COL4A6: variants seen among roughly 807,000 people sequenced by gnomAD.
COL4A6 encodes the protein collagen alpha-6(IV) chain.
A neutral mutation model predicts 126.7 loss-of-function variants in COL4A6; 59 were observed. The observed-to-expected ratio is 0.47, with a 90% CI of 0.38 to 0.58. The LOEUF (loss-of-function observed/expected upper bound fraction) is 0.58, where lower values mean the gene tolerates loss of function less well. COL4A6 is among the 20% of genes least tolerant of loss of function. The pLI is 0.00. For missense variants in COL4A6, 1,285 were observed against 1,337.3 expected (o/e 0.96, Z 0.61); for synonymous variants, 547 against 496.6 (o/e 1.10, Z -1.35).
At chrX:108,331,251 T>TTG (rs1447219703) in intron 2 of COL4A6, among the ~76,000 whole-genome samples, 1 of 111,728 alleles carries the variant, frequency 9.0e-6, no homozygotes, top group Non-Finnish European at 1.9e-5. Flanking sequence ...AAAATGATAT[T>TTG]TGTGTGTGTG....
At chrX:108,349,108 G>A (rs143486394) in intron 2 of COL4A6, among the ~76,000 whole-genome samples, 343 of 112,022 alleles carry the variant, frequency 3.1e-3, no homozygotes, top group African/African-American at 0.011. Context: ...CCCACAGAGA[G>A]CTGATTGTTA....
intron 2 of COL4A6, among the ~76,000 whole-genome samples, chrX:108,391,536 C>G: frequency 9.0e-6 from 1 of 111,683 alleles, no homozygotes; most frequent in Non-Finnish European, 1.9e-5. Flanking sequence ...GCCCCTCCCC[C>G]CACCAAGCTC....
chrX:108,387,706 T>A (rs2040734863), intron 2 of COL4A6, among the ~76,000 whole-genome samples: 1 of 111,923 alleles, frequency 8.9e-6, no homozygotes, highest in Admixed American at 9.5e-5. Flanking sequence ...ATATCTTTTA[T>A]TTCTTTCTCT....
chrX:108,327,242 T>C (rs1469069189), intron 2 of COL4A6, among the ~76,000 whole-genome samples: 4 of 110,217 alleles, frequency 3.6e-5, no homozygotes, highest in African/African-American at 1.3e-4. Flanking sequence ...GGTTGCACGC[T>C]CCTTTTGAGA....
At chrX:108,394,279 G>GTAGGGGTC (rs1416818128) in intron 2 of COL4A6, among the ~76,000 whole-genome samples, 4 of 109,557 alleles carry the variant, frequency 3.7e-5, no homozygotes, top group Non-Finnish European at 7.6e-5. Flanking sequence ...CTGTCGGGGT[G>GTAGGGGTC]TAGGGGTCTA....
chrX:108,372,351 C>T (rs2040348171), intron 2 of COL4A6, among the ~76,000 whole-genome samples: 1 of 111,652 alleles, frequency 9.0e-6, no homozygotes, highest in African/African-American at 3.3e-5. Context: ...CTAGCAGAGG[C>T]CCCCAATAAG....
intron 2 of COL4A6, among the ~76,000 whole-genome samples, chrX:108,379,816 A>G (rs2040525374): frequency 9.1e-6 from 1 of 110,115 alleles, no homozygotes; most frequent in Non-Finnish European, 1.9e-5. Flanking sequence ...ATAAGTTAAT[A>G]TTTTTAAAAA....
At chrX:108,286,306 G>A (rs1266817266) in intron 3 of COL4A6, among the ~76,000 whole-genome samples, 1 of 112,109 alleles carries the variant, frequency 8.9e-6, no homozygotes, top group Non-Finnish European at 1.9e-5. Context: ...TCTTATTCAA[G>A]TTATTTTTAA....
chrX:108,188,233 C>T (rs1208783127), intron 21 of COL4A6, among the ~76,000 whole-genome samples: 1 of 111,981 alleles, frequency 8.9e-6, no homozygotes, highest in Non-Finnish European at 1.9e-5. Context: ...GTAAACCTCA[C>T]CTTAATTCCT....
intron 2 of COL4A6, among the ~76,000 whole-genome samples, chrX:108,319,197 T>G: frequency 9.0e-6 from 1 of 111,704 alleles, no homozygotes; most frequent in Non-Finnish European, 1.9e-5. Flanking sequence ...GGCAACATGG[T>G]GATACCCCAT....
At chrX:108,337,636 C>A (rs747108023) in intron 2 of COL4A6, among the ~76,000 whole-genome samples, 1 of 112,461 alleles carries the variant, frequency 8.9e-6, no homozygotes, top group Non-Finnish European at 1.9e-5. Context: ...GGCAAGTTTT[C>A]TCACCCTTCT....
rs56782024 is a variant in COL4A6, at chrX:108,173,461, G to GGTGT, written c.3139-933_3139-930dup. On this transcript the variant is annotated intron_variant, in intron 31 of 44. Coordinates refer to ENST00000334504, the MANE Select transcript of COL4A6 (RefSeq NM_033641.4). ...GAACTATTTATTTTCAATTGCTTCAGGTGTGTGTGTGTGTGTGTGTGTGTG... is the reference window on the plus strand; with the variant it reads ...GAACTATTTATTTTCAATTGCTTCAGGTGTGTGTGTGTGTGTGTGTGTGTGTGTG... Among the ~76,000 whole-genome samples the GGTGT allele has an allele frequency of 4.4e-3, 447 of 101,093 alleles. 3 individuals carry two copies. Among genetic ancestry groups the GGTGT allele is most frequent in the African/African-American group, 9.2e-3 (254 of 27,500 alleles). 87.8% of individuals were successfully genotyped at this position (101,093 alleles called of 115,157 possible).
At chrX:108,252,316 T>C (rs1270670104) in intron 3 of COL4A6, among the ~76,000 whole-genome samples, 1 of 112,121 alleles carries the variant, frequency 8.9e-6, no homozygotes, top group Non-Finnish European at 1.9e-5. Flanking sequence ...CAGAATTTCA[T>C]TCTTTTTTAT....
intron 2 of COL4A6, among the ~76,000 whole-genome samples, chrX:108,368,646 A>G (rs2040256811): frequency 8.9e-6 from 1 of 112,280 alleles, no homozygotes; most frequent in Non-Finnish European, 1.9e-5. Flanking sequence ...TGAATATTTT[A>G]TAGTAACACT....
chrX:108,191,272 A>T (rs1042580141), intron 19 of COL4A6, 121 bp downstream of exon 19: 4 of 880,883 alleles, frequency 4.5e-6, no homozygotes, highest in Non-Finnish European at 6.3e-6. Flanking sequence ...GCCCCTCTGC[A>T]ATTATCATGT....
At chrX:108,315,307 C>G (rs1004455329) in intron 2 of COL4A6, among the ~76,000 whole-genome samples, 2 of 111,174 alleles carry the variant, frequency 1.8e-5, no homozygotes, top group Admixed American at 9.6e-5. Context: ...GTGGTGCGAC[C>G]TGGGCTCACT....
At chrX:108,190,578 C>T (rs991357123) in intron 19 of COL4A6, 82 bp from the exon 20 acceptor site, 2 of 555,438 alleles carry the variant, frequency 3.6e-6, no homozygotes, top group Admixed American at 5.8e-5. Flanking sequence ...GCTCAATCAC[C>T]AAGGCCCAAG....
rs758587693 is a variant in COL4A6 at position 108,266,731 on chromosome X, T to C, written c.144+44017A>G. 1.2e-4 allele frequency among the ~76,000 whole-genome samples: 13 copies of C among 112,024 alleles called. No individual in the cohort carries two copies. In the South Asian group the frequency reaches 4.8e-3, roughly 42 times the overall value. On this transcript the variant is annotated intron_variant, in intron 3 of 44. Transcript: ENST00000334504. ...CAATAATTTGCTGAAGCATTTAGCATATTGCCTGGCAAATGGTATGGACTT... is the reference window on the plus strand; with the variant it reads ...CAATAATTTGCTGAAGCATTTAGCACATTGCCTGGCAAATGGTATGGACTT...
rs5012328 is a variant in COL4A6, at chrX:108,354,770, C to T, written c.64-43942G>A. Among the ~76,000 whole-genome samples, 329 of 110,835 alleles carry T rather than the reference C, an allele frequency of 3.0e-3. 2 individuals are homozygous for T. The highest frequency in any genetic ancestry group is 0.01 in the African/African-American group (314 of 30,404). On this transcript the variant is annotated intron_variant, in intron 2 of 44. Coordinates refer to ENST00000334504, the MANE Select transcript of COL4A6 (RefSeq NM_033641.4). Reference sequence around the variant, plus strand: ...ATTTAGGAAGAAAAACATGTCATCTCTATGGCAACCTGAAAGTCTGACAGG... The same window carrying T: ...ATTTAGGAAGAAAAACATGTCATCTTTATGGCAACCTGAAAGTCTGACAGG...
Sources: allele counts gnomAD v4.1 joint callset (sites outside exome capture counted in the v4.1 genomes callset), GRCh38; gene constraint gnomAD v4.1.1; transcripts MANE v1.5; gene names NCBI Gene and HGNC (gene_info 2026-07-23, HGNC 2026-07-21).